The following LTBP1 variants were observed in gnomAD, a reference collection of about 807,000 sequenced individuals.
LTBP1 encodes the protein latent transforming growth factor beta binding protein 1.
In LTBP1, 129 loss-of-function variants were observed where a neutral mutation model predicts 207.6. The ratio of observed to expected loss-of-function variants is 0.62; its 90% confidence interval spans 0.54 to 0.72. LTBP1 has a LOEUF of 0.72. Among genes scored for constraint, LTBP1 ranks in the 30% least tolerant of loss-of-function variants. The pLI is 0.00. For missense variants in LTBP1, 2,281 were observed against 2,217.2 expected, an observed-to-expected ratio of 1.03 and a Z score of -0.58; for synonymous variants, 963 against 833.7, an observed-to-expected ratio of 1.16 and a Z score of -2.67.
intron 3 of LTBP1, among the ~76,000 whole-genome samples, chr2:33,088,618 A>G (rs575083201): frequency 6.6e-6 from 1 of 152,270 alleles, no homozygotes; most frequent in Admixed American, 6.5e-5. Flanking sequence ...GTCTTAGTCC[A>G]TCTTGTTTTT....
chr2:32,957,870 G>C (rs867536486), intron 2 of LTBP1, among the ~76,000 whole-genome samples: 2 of 152,256 alleles, frequency 1.3e-5, no homozygotes, highest in Middle Eastern at 3.4e-3. Context: ...GTTACGGATT[G>C]AGCACGTCAT....
rs1458951039 is a variant in LTBP1, at chr2:33,118,469, G to T, written c.1033+7718G>T. Among the ~76,000 whole-genome samples the T allele has an allele frequency of 2.6e-5, 4 of 152,184 alleles. No individual in the cohort carries two copies. In the East Asian group the frequency reaches 7.7e-4, roughly 29 times the overall value. On this transcript the variant is annotated intron_variant, in intron 4 of 33. Transcript: ENST00000404816. ...TTGTCCCATGCTCAATTCTGTATGG[G>T]AATCGGGAACCTTGAGCCAGTTTCC...
intron 2 of LTBP1, among the ~76,000 whole-genome samples, chr2:33,003,759 A>G (rs752119719): frequency 1.3e-5 from 2 of 152,232 alleles, no homozygotes. Context: ...AAACCCTGAC[A>G]AATAGAGCTG....
chr2:33,269,852 G>A (rs554984131), intron 15 of LTBP1, among the ~76,000 whole-genome samples: 17 of 152,070 alleles, frequency 1.1e-4, no homozygotes, highest in Non-Finnish European at 2.2e-4. Flanking sequence ...ATGTGCTCAG[G>A]AATGAAAACC....
intron 11 of LTBP1, among the ~76,000 whole-genome samples, chr2:33,254,885 T>G (rs1160909047): frequency 1.8e-5 from 2 of 110,528 alleles, no homozygotes; most frequent in East Asian, 2.5e-4. Flanking sequence ...TTTTTTTTTG[T>G]ATTTTCTATT....
chr2:33,131,511 G>C (rs753999043), intron 4 of LTBP1, among the ~76,000 whole-genome samples: 24 of 152,210 alleles, frequency 1.6e-4, no homozygotes, highest in Non-Finnish European at 2.9e-4. Context: ...TGGAGATCCT[G>C]TTAGAGCTCT....
chr2:33,126,821 G>T (rs1572753525), intron 4 of LTBP1, among the ~76,000 whole-genome samples: 2 of 151,934 alleles, frequency 1.3e-5, no homozygotes, highest in African/African-American at 4.8e-5. Context: ...AGAGAAGTTT[G>T]TATTGGAAAA....
chr2:32,978,890 A>T lies in LTBP1; in HGVS notation c.565+29945A>T, dbSNP rs1375594702. 5.9e-5 allele frequency among the ~76,000 whole-genome samples: 9 copies of T among 151,656 alleles called. No individual in the cohort carries two copies. In the East Asian group the frequency reaches 1.5e-3, roughly 26 times the overall value. ...TATTACAGCGTTGATATCATTACTC[A>T]GTCTGTTCAGGTTTTGAATTTCTTC... On this transcript the variant is annotated intron_variant, in intron 2 of 33. Coordinates refer to ENST00000404816, the MANE Select transcript of LTBP1 (RefSeq NM_206943.4).
At chr2:32,985,223 G>A (rs74539760) in intron 2 of LTBP1, among the ~76,000 whole-genome samples, 6,018 of 152,058 alleles carry the variant, frequency 0.04, 195 homozygotes, top group Non-Finnish European at 0.067. Flanking sequence ...TTATCAATTG[G>A]TGGGTTGGAA....
At chr2:33,100,248 G>C (rs1338178849) in intron 3 of LTBP1, among the ~76,000 whole-genome samples, 2 of 152,200 alleles carry the variant, frequency 1.3e-5, no homozygotes, top group Non-Finnish European at 2.9e-5. Flanking sequence ...GAGTGCGAGA[G>C]TGCAGGAGGA....
At chr2:33,265,101 A>G (rs1288126515) in intron 15 of LTBP1, among the ~76,000 whole-genome samples, 1 of 152,148 alleles carries the variant, frequency 6.6e-6, no homozygotes, top group Non-Finnish European at 1.5e-5. Context: ...AGCAGATAGG[A>G]TACCCACCCA....
At chr2:33,142,802 T>C (rs1422291574) in intron 5 of LTBP1, among the ~76,000 whole-genome samples, 1 of 152,212 alleles carries the variant, frequency 6.6e-6, no homozygotes, top group East Asian at 1.9e-4. Flanking sequence ...TCCTGGCCTG[T>C]ATCTTGGGAG....
chr2:32,975,592 T>TTTTG (rs1681613923), intron 2 of LTBP1, among the ~76,000 whole-genome samples: 1 of 57,776 alleles, frequency 1.7e-5, no homozygotes, highest in African/African-American at 4.9e-5. Context: ...TGTTTTTTTT[T>TTTTG]TTTTTTTTTT....
chr2:33,355,740 C>G (rs922089451), intron 26 of LTBP1, among the ~76,000 whole-genome samples: 3 of 152,066 alleles, frequency 2.0e-5, no homozygotes, highest in African/African-American at 7.2e-5. Context: ...TTTCTCCAAT[C>G]TCTTGTAATG....
intron 5 of LTBP1, among the ~76,000 whole-genome samples, chr2:33,154,633 C>T (rs1572888054): frequency 6.6e-6 from 1 of 152,150 alleles, no homozygotes; most frequent in Admixed American, 6.5e-5. Flanking sequence ...CTGTTATCAT[C>T]CAAGCGACAG....
chr2:33,315,609 G>C (rs1480731727), intron 24 of LTBP1, among the ~76,000 whole-genome samples: 1 of 152,176 alleles, frequency 6.6e-6, no homozygotes. Context: ...TGCTTCTTTT[G>C]ATTGTGCTTC....
intron 3 of LTBP1, among the ~76,000 whole-genome samples, chr2:33,094,226 A>C (rs1368854480): frequency 6.6e-6 from 1 of 152,200 alleles, no homozygotes; most frequent in Non-Finnish European, 1.5e-5. Flanking sequence ...TAGCCCAATC[A>C]TGCAAAACAG....
At chr2:33,043,828 A>G (rs2076312901) in intron 3 of LTBP1, among the ~76,000 whole-genome samples, 1 of 152,212 alleles carries the variant, frequency 6.6e-6, no homozygotes. Flanking sequence ...AGAGAAGGGA[A>G]GAGACTAAAA....
At chr2:33,174,385 A>T (rs545649515) in intron 5 of LTBP1, among the ~76,000 whole-genome samples, 6 of 152,314 alleles carry the variant, frequency 3.9e-5, no homozygotes, top group African/African-American at 1.4e-4. Context: ...GAGCCAAATC[A>T]TGAGTGAACT....
Sources: gnomAD v4.1 joint callset for allele counts (sites outside exome capture counted in the v4.1 genomes callset) on GRCh38, gnomAD v4.1.1 for gene constraint, MANE v1.5 for transcripts, NCBI Gene and HGNC (gene_info 2026-07-23, HGNC 2026-07-21) for gene names.